The following PCDH7 variants were observed in gnomAD, a reference collection of about 807,000 sequenced individuals.
The protein encoded by PCDH7 is protocadherin 7.
In PCDH7, 17 loss-of-function variants were observed where a neutral mutation model predicts 58.9. The observed-to-expected ratio is 0.29, with a 90% CI of 0.20 to 0.43. The LOEUF is 0.43. PCDH7 is among the 20% of genes least tolerant of loss of function. PCDH7 has a pLI of 1.00. For synonymous variants in PCDH7, 664 were observed against 616.4 expected (o/e 1.08, Z -1.14); for missense variants, 1,274 against 1,441.0 (o/e 0.88, Z 1.88).
At chr4:30,797,852 G>A (rs1194937594) in intron 1 of PCDH7, among the ~76,000 whole-genome samples, 1 of 152,184 alleles carries the variant, frequency 6.6e-6, no homozygotes, top group African/African-American at 2.4e-5. Context: ...TATACTAGAT[G>A]TTGAGTTTAT....
chr4:31,079,203 T>A (rs2109265228), intron 3 of PCDH7, among the ~76,000 whole-genome samples: 1 of 150,060 alleles, frequency 6.7e-6, no homozygotes, highest in Non-Finnish European at 1.5e-5. Context: ...ATATATTTAT[T>A]AAATTTGACC....
intron 3 of PCDH7, among the ~76,000 whole-genome samples, chr4:31,099,390 G>A (rs1714603073): frequency 6.6e-6 from 1 of 152,146 alleles, no homozygotes; most frequent in Admixed American, 6.6e-5. Context: ...ATATATTCAG[G>A]AAAATCCCAG....
chr4:31,107,214 A>G (rs1280570792), intron 3 of PCDH7, among the ~76,000 whole-genome samples: 1 of 152,198 alleles, frequency 6.6e-6, no homozygotes, highest in African/African-American at 2.4e-5. Flanking sequence ...ACTATGATAT[A>G]CAAGTAATGA....
chr4:31,075,821 G>T (rs73812512), intron 3 of PCDH7, among the ~76,000 whole-genome samples: 13,559 of 151,812 alleles, frequency 0.089, 706 homozygotes, highest in South Asian at 0.18. Context: ...ATTATTTTTT[G>T]AATCAACTTC....
At chr4:30,998,565 A>AT (rs60166004) in intron 3 of PCDH7, among the ~76,000 whole-genome samples, 2,411 of 152,208 alleles carry the variant, frequency 0.016, 45 homozygotes, top group African/African-American at 0.051. Context: ...AAAAATGCCA[A>AT]TTTTTATGGG....
Position 30,721,755 on chromosome 4 carries a change from C to A in PCDH7, c.333C>A (p.Asp111Glu). ...TCGACGAGAACGAGTGCTTCCTGGA[C>A]TTCGAGGTGTCGGTGATCGGGCCCT... is the stretch of plus-strand genomic sequence containing the variant. Residue 111 changes from aspartate (D) to glutamate (E), a missense_variant, in exon 1 of 2, where the codon GAC (aspartate) becomes GAA (glutamate). This residue lies in a region of PCDH7 where 212 missense variants were observed against 255.8 expected (regional missense o/e 0.83). Coordinates refer to ENST00000361762, the Ensembl canonical transcript of PCDH7. The surrounding 1 kb of genome is among the most constrained non-coding windows in gnomAD (Gnocchi z 6.7). 1 of 1,613,904 alleles carries A rather than the reference C, an allele frequency of 6.2e-7. No homozygotes were observed. The highest frequency in any genetic ancestry group is 8.5e-7 in the Non-Finnish European group (1 of 1,180,004).
rs576913305 is a variant in PCDH7 at position 30,759,098 on chromosome 4, C to T, written c.70+34502C>T. On this transcript the variant is annotated intron_variant, in intron 1 of 3. Transcript: ENST00000509759. ...TTGGGATTACAGGTGCCCGCCATGACGCCCAGCTAATTTTTGTCCTTTTAG... is the reference window on the plus strand; with the variant it reads ...TTGGGATTACAGGTGCCCGCCATGATGCCCAGCTAATTTTTGTCCTTTTAG... Among the ~76,000 whole-genome samples, 7 of 151,988 alleles carry T rather than the reference C, an allele frequency of 4.6e-5. No individual in the cohort carries two copies. In the East Asian group the frequency reaches 7.8e-4, roughly 17 times the overall value.
intron 1 of PCDH7, among the ~76,000 whole-genome samples, chr4:30,813,339 A>G (rs561554849): frequency 6.6e-6 from 1 of 152,272 alleles, no homozygotes; most frequent in Non-Finnish European, 1.5e-5. Flanking sequence ...TTGGTATGTT[A>G]CTCACTGAGT....
rs578216686 is a variant in PCDH7 at position 30,860,866 on chromosome 4, T to C, written c.71-59287T>C. Among the ~76,000 whole-genome samples, 421 of 152,270 alleles carry C rather than the reference T, an allele frequency of 2.8e-3. 2 individuals carry two copies. Among genetic ancestry groups the C allele is most frequent in the South Asian group, 0.013 (63 of 4,828 alleles). On this transcript the variant is annotated intron_variant, in intron 1 of 3. Transcript: ENST00000509759. ...GAGGAAGGAAAACATCTTATAGTTA[T>C]CTTTGAATCTCTAGTACCCAGTATG...
rs1291500898 is a variant in PCDH7, at chr4:30,761,468, G to T, written c.70+36872G>T. Among the ~76,000 whole-genome samples the T allele has an allele frequency of 2.0e-5, 3 of 151,950 alleles. No homozygotes were observed. The South Asian group carries it at 6.2e-4, about 32-fold the overall frequency. On this transcript the variant is annotated intron_variant, in intron 1 of 3. Coordinates refer to the PCDH7 transcript ENST00000509759. Reference sequence around the variant, plus strand: ...CATATCATTTAACCTCATATATCCAGTATACTATCATTCAATATTTAATCA... The same window carrying T: ...CATATCATTTAACCTCATATATCCATTATACTATCATTCAATATTTAATCA...
intron 1 of PCDH7, among the ~76,000 whole-genome samples, chr4:30,894,931 G>T (rs559543158): frequency 3.3e-5 from 5 of 151,278 alleles, no homozygotes; most frequent in Admixed American, 3.3e-4. Context: ...AAAACCTCTA[G>T]CATGTTATTT....
chr4:31,038,397 G>A (rs916410339), intron 3 of PCDH7, among the ~76,000 whole-genome samples: 32 of 152,066 alleles, frequency 2.1e-4, no homozygotes, highest in African/African-American at 7.7e-4. Flanking sequence ...ATCTCAAAGT[G>A]ATGAAACCAA....
chr4:31,055,595 T>C (rs531721528), intron 3 of PCDH7, among the ~76,000 whole-genome samples: 3 of 152,182 alleles, frequency 2.0e-5, no homozygotes, highest in African/African-American at 4.8e-5. Flanking sequence ...TTTTTTGTTT[T>C]TGACAGAATC....
At chr4:30,750,399 G>A (rs1718354701) in intron 1 of PCDH7, among the ~76,000 whole-genome samples, 1 of 152,120 alleles carries the variant, frequency 6.6e-6, no homozygotes. Flanking sequence ...CATAGAACAT[G>A]ATCACAATAA....
intron 1 of PCDH7, among the ~76,000 whole-genome samples, chr4:30,764,044 C>T (rs937371129): frequency 2.0e-5 from 3 of 152,180 alleles, no homozygotes; most frequent in African/African-American, 7.2e-5. Flanking sequence ...AATATACTTA[C>T]TTTCCTACTC....
chr4:30,917,427 AAT>A, intron 1 of PCDH7, among the ~76,000 whole-genome samples: 1 of 152,252 alleles, frequency 6.6e-6, no homozygotes, highest in Admixed American at 6.5e-5. Context: ...ATAGCATTCT[AAT>A]TAAAATATTT....
chr4:30,874,955 T>C (rs1560457614), intron 1 of PCDH7, among the ~76,000 whole-genome samples: 1 of 152,048 alleles, frequency 6.6e-6, no homozygotes, highest in Non-Finnish European at 1.5e-5. Context: ...ACTCTCAGAC[T>C]TGGTGTGTCT....
intron 1 of PCDH7, among the ~76,000 whole-genome samples, chr4:30,749,835 T>C (rs6832173): frequency 0.55 from 82,971 of 152,002 alleles, 23,370 homozygotes; most frequent in African/African-American, 0.68. Flanking sequence ...ATTATGATTT[T>C]GGTTTTAAAA....
chr4:30,923,227 A>C (rs1743413966), intron 2 of PCDH7, among the ~76,000 whole-genome samples: 1 of 152,192 alleles, frequency 6.6e-6, no homozygotes, highest in Non-Finnish European at 1.5e-5. Flanking sequence ...ATTAACTTTC[A>C]TTGTAAAGTT....
Sources: gnomAD v4.1 joint callset for allele counts (sites outside exome capture counted in the v4.1 genomes callset) on GRCh38, gnomAD v4.1.1 for gene constraint, gnomAD v4.1.1 regional missense constraint, Gnocchi (gnomAD v3.1) non-coding constraint, MANE v1.5 for transcripts, NCBI Gene and HGNC (gene_info 2026-07-23, HGNC 2026-07-21) for gene names.